The following OCM variants were observed in gnomAD, a reference collection of about 807,000 sequenced individuals.
OCM encodes the protein oncomodulin, also known as oncomodulin-1.
A neutral mutation model predicts 14.1 loss-of-function variants in OCM; 18 were observed. The observed-to-expected ratio is 1.28, with a 90% CI of 0.88 to 1.89. OCM has a LOEUF of 1.89. Ranked by LOEUF, OCM falls within the 40% of genes most tolerant of loss-of-function variation. OCM has a pLI of 0.00. For synonymous variants in OCM, 48 were observed against 51.0 expected (o/e 0.94, Z 0.25); for missense variants, 140 against 137.6 (o/e 1.02, Z -0.09).
the OCM span, among the ~76,000 whole-genome samples, chr7:5,862,240 C>T: frequency 1.3e-5 from 2 of 152,272 alleles, no homozygotes; most frequent in Admixed American, 1.3e-4. Flanking sequence ...AAGAGAAAGT[C>T]AAGCTTGGAA....
At chr7:5,863,005 G>A in the OCM span, among the ~76,000 whole-genome samples, 1 of 152,108 alleles carries the variant, frequency 6.6e-6, no homozygotes. Context: ...GTAAAATGTA[G>A]ATTTACTGAG....
chr7:5,879,769 A>AC (rs1781170996), upstream of OCM: 1 of 151,022 alleles, frequency 6.6e-6, no homozygotes, highest in African/African-American at 2.4e-5. Flanking sequence ...AAAAAAAAAA[A>AC]AAGAGGTTTC....
upstream of OCM, among the ~76,000 whole-genome samples, chr7:5,877,045 A>T (rs1323046665): frequency 6.6e-6 from 1 of 152,090 alleles, no homozygotes; most frequent in African/African-American, 2.4e-5. Context: ...ACCTCAGGTG[A>T]TCTGCCTGCC....
intron 1 of OCM, 39 bp downstream of exon 1, chr7:5,880,989 G>T: frequency 6.3e-7 from 1 of 1,591,600 alleles, no homozygotes. Context: ...TTTCCTCACA[G>T]CTTTGCACCT....
upstream of OCM, among the ~76,000 whole-genome samples, chr7:5,876,554 G>A (rs1781099315): frequency 6.6e-6 from 1 of 152,202 alleles, no homozygotes; most frequent in Non-Finnish European, 1.5e-5. Context: ...AATCACTGCT[G>A]AGCGCCTAAA....
intron 1 of OCM, among the ~76,000 whole-genome samples, chr7:5,881,862 G>C (rs1296343972): frequency 6.6e-6 from 1 of 151,908 alleles, no homozygotes; most frequent in Non-Finnish European, 1.5e-5. Context: ...CGAGGCCGGT[G>C]CATCACTTGA....
chr7:5,875,422 T>G (rs191982880), upstream of OCM, among the ~76,000 whole-genome samples: 1 of 152,078 alleles, frequency 6.6e-6, no homozygotes, highest in Non-Finnish European at 1.5e-5. Flanking sequence ...AGCGCCTCAT[T>G]GATTCAGAAA....
intron 3 of OCM, among the ~76,000 whole-genome samples, chr7:5,885,218 A>G (rs1230193888): frequency 6.6e-6 from 1 of 152,142 alleles, no homozygotes; most frequent in Non-Finnish European, 1.5e-5. Flanking sequence ...TCAATCTGTA[A>G]CATCCATACC....
At chr7:5,864,519 T>C in the OCM span, among the ~76,000 whole-genome samples, 1 of 152,120 alleles carries the variant, frequency 6.6e-6, no homozygotes, top group Non-Finnish European at 1.5e-5. Flanking sequence ...GGAGCAATTA[T>C]GAATCGTTAG....
At chr7:5,871,530 A>C in the OCM span, among the ~76,000 whole-genome samples, 1 of 152,134 alleles carries the variant, frequency 6.6e-6, no homozygotes, top group Non-Finnish European at 1.5e-5. Flanking sequence ...ATAATATTTC[A>C]GAGTTGTTGC....
the OCM span, among the ~76,000 whole-genome samples, chr7:5,864,565 A>G: frequency 6.6e-6 from 1 of 152,158 alleles, no homozygotes; most frequent in Non-Finnish European, 1.5e-5. Context: ...AAAACCAGCA[A>G]GAAAATTCAG....
At chr7:5,872,437 T>C in the OCM span, among the ~76,000 whole-genome samples, 2 of 152,162 alleles carry the variant, frequency 1.3e-5, no homozygotes, top group South Asian at 2.1e-4. Flanking sequence ...AATCCACTTG[T>C]AGAGAAGTAT....
upstream of OCM, among the ~76,000 whole-genome samples, chr7:5,878,875 TAAAAAAAAAA>T (rs57901741): frequency 9.8e-6 from 1 of 102,016 alleles, no homozygotes; most frequent in African/African-American, 3.7e-5. Flanking sequence ...TGCTGAAAGT[TAAAAAAAAAA>T]AAAAAAAAAA....
the OCM span, among the ~76,000 whole-genome samples, chr7:5,860,453 G>A: frequency 0.014 from 1,604 of 111,558 alleles, 58 homozygotes; most frequent in Non-Finnish European, 0.022. Context: ...ATACGTGTAT[G>A]TATATTATTA....
upstream of OCM, chr7:5,880,788 C>G (rs558944670): frequency 8.0e-5 from 84 of 1,052,914 alleles, no homozygotes; most frequent in African/African-American, 1.2e-3. Context: ...TCTAGACACA[C>G]ATACAGTTTC....
In OCM at chr7:5,880,954, G is replaced by T. The variant is rs370061258; in HGVS notation, c.61+4G>T. On this transcript the variant is annotated splice_donor_region_variant and intron_variant, in intron 1 of 3. Transcript: ENST00000242104. ...GCAGCGCTCCAGGAATGCCGAGGTA[G>T]AGGGGACGTGAGGCGGGGGTGGGAT... 1.2e-6 allele frequency: 2 copies of T among 1,613,108 alleles called. No homozygotes were observed. Among genetic ancestry groups the T allele is most frequent in the Admixed American group, 3.3e-5 (2 of 59,986 alleles).
the OCM span, among the ~76,000 whole-genome samples, chr7:5,862,967 A>G: frequency 6.8e-6 from 1 of 147,290 alleles, no homozygotes; most frequent in Non-Finnish European, 1.5e-5. Flanking sequence ...GGACTCCTCT[A>G]CTCCCTCTTT....
intron 3 of OCM, among the ~76,000 whole-genome samples, chr7:5,885,025 C>A (rs1180540009): frequency 1.3e-5 from 2 of 151,634 alleles, no homozygotes; most frequent in African/African-American, 4.8e-5. Flanking sequence ...GAAGCTGAGG[C>A]AGGAGAATCG....
chr7:5,860,807 TACAC>T, the OCM span, among the ~76,000 whole-genome samples: 7 of 146,140 alleles, frequency 4.8e-5, 1 homozygote, highest in Non-Finnish European at 9.0e-5. Context: ...TATACACACA[TACAC>T]ACATACATAT....
Sources: gnomAD v4.1 joint callset for allele counts (sites outside exome capture counted in the v4.1 genomes callset) on GRCh38, gnomAD v4.1.1 for gene constraint, MANE v1.5 for transcripts, NCBI Gene and HGNC (gene_info 2026-07-23, HGNC 2026-07-21) for gene names.